SLC9A2: variants seen among roughly 807,000 people sequenced by gnomAD.
SLC9A2 encodes the protein sodium/hydrogen exchanger 2.
Under a neutral mutation model 71.7 loss-of-function variants are expected in SLC9A2, and 42 were observed. The ratio of observed to expected loss-of-function variants is 0.59; its 90% CI spans 0.46 to 0.76. The LOEUF is 0.76. SLC9A2 is among the 30% of genes least tolerant of loss of function. The pLI, the probability that SLC9A2 is intolerant of heterozygous loss-of-function variation, is 0.00. For synonymous variants in SLC9A2, 396 were observed against 392.5 expected, an observed-to-expected ratio of 1.01 and a Z score of -0.10; for missense variants, 829 against 1,017.4, an observed-to-expected ratio of 0.81 and a Z score of 2.52.
intron 11 of SLC9A2, 25 bp from the exon 12 acceptor site, chr2:102,708,094 C>A: frequency 6.3e-7 from 1 of 1,591,856 alleles, no homozygotes. Flanking sequence ...AATGCTTGCC[C>A]ACCTTGTCTT....
At chr2:102,693,053 T>A (rs1420756083) in intron 5 of SLC9A2, among the ~76,000 whole-genome samples, 1 of 151,028 alleles carries the variant, frequency 6.6e-6, no homozygotes, top group African/African-American at 2.4e-5. Context: ...TATACTAGTA[T>A]TTTATATATA....
chr2:102,631,435 A>C (rs1676354471), intron 1 of SLC9A2, among the ~76,000 whole-genome samples: 1 of 152,070 alleles, frequency 6.6e-6, no homozygotes, highest in Non-Finnish European at 1.5e-5. Context: ...AGATCCTAGC[A>C]CATAGGTCAC....
intron 1 of SLC9A2, among the ~76,000 whole-genome samples, chr2:102,646,768 AATATAT>A (rs201347551): frequency 0.011 from 1,465 of 132,974 alleles, 97 homozygotes; most frequent in African/African-American, 0.043. Flanking sequence ...AACGATCCTA[AATATAT>A]ATATATATAT....
intron 9 of SLC9A2, among the ~76,000 whole-genome samples, chr2:102,703,450 TG>T (rs2104555637): frequency 6.6e-6 from 1 of 152,316 alleles, no homozygotes; most frequent in South Asian, 2.1e-4. Flanking sequence ...TCCTGTCAGC[TG>T]GTCAAAAGCC....
At chr2:102,652,240 G>T (rs558376882) in intron 1 of SLC9A2, among the ~76,000 whole-genome samples, 9 of 152,252 alleles carry the variant, frequency 5.9e-5, no homozygotes, top group Middle Eastern at 3.4e-3. Context: ...TCTTGGGAGG[G>T]ACTTCTCCCT....
In SLC9A2 at chr2:102,704,584, G is replaced by A; in HGVS notation, c.1886G>A (p.Ser629Asn). ...YNRHSLTADT[S>N]ERQAKEILIR... ...AGACACAGTCTGACAGCCGACACAA[G>A]TGAGAGACAAGCCAAGGAGATTCTG... Residue 629 changes from serine to asparagine, a missense_variant, in exon 10 of 12, where the codon AGT becomes AAT. Ser to Asn is a conservative substitution (Grantham distance 46). Transcript: ENST00000233969. 1.2e-6 allele frequency: 2 copies of A among 1,613,480 alleles called. No homozygotes were observed.
chr2:102,624,970 C>G (rs768160045), intron 1 of SLC9A2, among the ~76,000 whole-genome samples: 4 of 152,040 alleles, frequency 2.6e-5, no homozygotes, highest in African/African-American at 7.2e-5. Context: ...TTTCTTTGTC[C>G]TCTGGTTTTC....
chr2:102,642,398 A>T (rs950128961), intron 1 of SLC9A2, among the ~76,000 whole-genome samples: 2 of 151,910 alleles, frequency 1.3e-5, no homozygotes, highest in Non-Finnish European at 2.9e-5. Flanking sequence ...GAATTTCGTC[A>T]CATACTTTTT....
intron 1 of SLC9A2, among the ~76,000 whole-genome samples, chr2:102,656,054 G>T (rs1021918075): frequency 1.3e-5 from 2 of 152,198 alleles, no homozygotes; most frequent in African/African-American, 4.8e-5. Flanking sequence ...TTTAGAGGGG[G>T]GACAGCCAAA....
At chr2:102,640,524 C>A (rs1300331419) in intron 1 of SLC9A2, among the ~76,000 whole-genome samples, 3 of 152,150 alleles carry the variant, frequency 2.0e-5, no homozygotes, top group Non-Finnish European at 4.4e-5. Context: ...GAACTGAGGG[C>A]AACACTAGTT....
At chr2:102,669,350 C>T (rs1677201759) in intron 3 of SLC9A2, among the ~76,000 whole-genome samples, 1 of 152,162 alleles carries the variant, frequency 6.6e-6, no homozygotes, top group South Asian at 2.1e-4. Flanking sequence ...TAGACTCAAA[C>T]ACTAATAAGG....
chr2:102,665,421 T>C (rs752994082), intron 3 of SLC9A2, 71 bp downstream of exon 3: 5 of 1,438,776 alleles, frequency 3.5e-6, no homozygotes, highest in Admixed American at 4.2e-5. Flanking sequence ...AGCCAAGATA[T>C]TAAAGTTGAA....
intron 1 of SLC9A2, among the ~76,000 whole-genome samples, chr2:102,655,313 C>T (rs554055856): frequency 2.0e-5 from 3 of 151,456 alleles, no homozygotes; most frequent in Admixed American, 6.6e-5. Flanking sequence ...GCCACCACAC[C>T]CAGCTAATTT....
chr2:102,619,869 G>T lies in SLC9A2; in HGVS notation c.21G>T (p.Trp7Cys). 1 of 1,547,188 alleles carries T rather than the reference G, an allele frequency of 6.5e-7. No homozygotes were observed. The highest frequency in any genetic ancestry group is 2.3e-5 in the East Asian group (1 of 42,604). The change falls in exon 1 of 12, where the codon TGG becomes TGT. Residue 7 changes from tryptophan (W) to cysteine (C), a missense_variant. Physicochemically the swap from Trp to Cys is radical, Grantham distance 215. This residue lies in a region of SLC9A2 where 106 missense variants were observed against 93.5 expected (regional missense o/e 1.13). Coordinates refer to ENST00000233969, the MANE Select transcript of SLC9A2 (RefSeq NM_003048.6). The surrounding 1 kb of genome is among the most constrained non-coding windows in gnomAD (Gnocchi z 4.3). MEPLGN[W>C]RSLRAPLPPM... is the part of the protein sequence containing the mutation. ...CACCCATGGAACCACTGGGCAACTG[G>T]AGGAGCCTGCGGGCGCCACTGCCTC...
chr2:102,703,412 C>T (rs986113794), intron 9 of SLC9A2, among the ~76,000 whole-genome samples: 36 of 152,074 alleles, frequency 2.4e-4, no homozygotes, highest in Non-Finnish European at 3.7e-4. Context: ...GTAGCTTTCT[C>T]GCTGTCCCCT....
intron 1 of SLC9A2, among the ~76,000 whole-genome samples, chr2:102,620,560 G>T (rs1676114823): frequency 6.6e-6 from 1 of 152,186 alleles, no homozygotes; most frequent in African/African-American, 2.4e-5. Context: ...CGCCTTGGCA[G>T]TGACACAGAC....
At chr2:102,695,012 C>G (rs1260357391) in intron 6 of SLC9A2, 31 bp from the exon 7 acceptor site, 3 of 1,579,676 alleles carry the variant, frequency 1.9e-6, no homozygotes, top group Non-Finnish European at 1.7e-6. Flanking sequence ...CAGGTAAAGA[C>G]TAATCAATTT....
chr2:102,625,332 A>T (rs1239020926), intron 1 of SLC9A2, among the ~76,000 whole-genome samples: 2 of 152,192 alleles, frequency 1.3e-5, no homozygotes, highest in African/African-American at 4.8e-5. Context: ...TAAATTTTTT[A>T]AAATTATACT....
chr2:102,698,238 A>G (rs1310376325), intron 7 of SLC9A2, among the ~76,000 whole-genome samples: 1 of 152,226 alleles, frequency 6.6e-6, no homozygotes, highest in African/African-American at 2.4e-5. Context: ...TGGCCAGCCA[A>G]AAACCAAGCA....
Sources: gnomAD v4.1 joint callset for allele counts (sites outside exome capture counted in the v4.1 genomes callset) on GRCh38, gnomAD v4.1.1 for gene constraint, gnomAD v4.1.1 regional missense constraint, Gnocchi (gnomAD v3.1) non-coding constraint, MANE v1.5 for transcripts, NCBI Gene and HGNC (gene_info 2026-07-23, HGNC 2026-07-21) for gene names.